The following CNGA1 variants were observed in gnomAD, a reference collection of about 807,000 sequenced individuals.
CNGA1 encodes the protein cyclic nucleotide-gated channel alpha-1.
Under a neutral mutation model 69.7 loss-of-function variants are expected in CNGA1, and 53 were observed. The ratio of observed to expected loss-of-function variants is 0.76; its 90% CI spans 0.61 to 0.96. The LOEUF (loss-of-function observed/expected upper bound fraction) is 0.96. Among genes scored for constraint, CNGA1 ranks in the 40% least tolerant of loss-of-function variants. The pLI is 0.00. For missense variants in CNGA1, 739 were observed against 811.2 expected (o/e 0.91, Z 1.08); for synonymous variants, 249 against 283.5 (o/e 0.88, Z 1.22).
At chr4:47,992,439 A>AAAC (rs199646833) in intron 2 of CNGA1, among the ~76,000 whole-genome samples, 17,131 of 151,798 alleles carry the variant, frequency 0.11, 1,532 homozygotes, top group East Asian at 0.31. Flanking sequence ...TGTAAAAAAA[A>AAAC]GTTTGAGTTC....
intron 3 of CNGA1, among the ~76,000 whole-genome samples, chr4:47,965,350 T>C (rs1740662749): frequency 6.6e-6 from 1 of 152,210 alleles, no homozygotes; most frequent in African/African-American, 2.4e-5. Context: ...CATATTTTCC[T>C]GTGAATATTA....
intron 3 of CNGA1, chr4:47,970,788 T>A: frequency 2.3e-6 from 1 of 428,546 alleles, no homozygotes; most frequent in Non-Finnish European, 4.6e-6. Context: ...TTTTTATATT[T>A]TATATACTAT....
At chr4:47,948,922 G>T (rs1560624485) in intron 6 of CNGA1, among the ~76,000 whole-genome samples, 1 of 152,092 alleles carries the variant, frequency 6.6e-6, no homozygotes, top group Non-Finnish European at 1.5e-5. Context: ...AAGCGGAGAG[G>T]GTGAAGAATT....
chr4:48,004,768 G>A (rs1044995034), intron 2 of CNGA1, among the ~76,000 whole-genome samples: 5 of 150,484 alleles, frequency 3.3e-5, no homozygotes, highest in African/African-American at 1.2e-4. Context: ...ATGTAAATAG[G>A]TTGTTGTTAT....
intron 3 of CNGA1, among the ~76,000 whole-genome samples, chr4:47,975,940 G>A (rs1321959032): frequency 4.0e-5 from 6 of 151,076 alleles, no homozygotes; most frequent in Non-Finnish European, 8.8e-5. Flanking sequence ...AAATATTGAT[G>A]AACTGAAGTA....
At chr4:48,014,688 C>T (rs974525703) in intron 1 of CNGA1, among the ~76,000 whole-genome samples, 3 of 152,156 alleles carry the variant, frequency 2.0e-5, no homozygotes, top group Admixed American at 1.3e-4. Context: ...ATCTACCTTA[C>T]AGGATTTTCA....
At chr4:47,938,197 GA>G in intron 10 of CNGA1, among the ~76,000 whole-genome samples, 1 of 149,792 alleles carries the variant, frequency 6.7e-6, no homozygotes, top group Non-Finnish European at 1.5e-5. Context: ...GAAAAAAAAA[GA>G]AAAAAAGAAA....
intron 2 of CNGA1, among the ~76,000 whole-genome samples, chr4:48,003,167 C>A (rs1172020925): frequency 6.6e-6 from 1 of 152,134 alleles, no homozygotes; most frequent in Admixed American, 6.5e-5. Context: ...AAGGTGAACA[C>A]TGGTTCTGTC....
chr4:47,988,501 A>T (rs1232612483), intron 2 of CNGA1, among the ~76,000 whole-genome samples: 1 of 152,090 alleles, frequency 6.6e-6, no homozygotes, highest in African/African-American at 2.4e-5. Context: ...TAATGAGATA[A>T]ACTCCACCTT....
At chr4:47,947,747 G>A (rs1355248320) in intron 6 of CNGA1, among the ~76,000 whole-genome samples, 1 of 152,198 alleles carries the variant, frequency 6.6e-6, no homozygotes, top group Non-Finnish European at 1.5e-5. Context: ...CTCGTGGGCA[G>A]TCACAAATGC....
chr4:47,940,794 AT>A lies in CNGA1; in HGVS notation c.620del (p.Tyr207PhefsTer2). ...TTGTTCGTACAAACATATCGATTAAATAGACTATGTCTGATACGTAATCCAA... is the reference window on the plus strand; with the variant it reads ...TTGTTCGTACAAACATATCGATTAAAAGACTATGTCTGATACGTAATCCAA... ...LILDYVSDIVYLIDMFVRTRT... is the reference protein window; with the variant it reads ...LILDYVSDIVXLIDMFVRTRT... On this transcript the variant is annotated frameshift_variant, in exon 10 of 11. Transcript: ENST00000514170. LOFTEE classifies it high-confidence loss of function. The A allele has an allele frequency of 6.2e-7, 1 of 1,610,304 alleles. No homozygotes were observed. Among genetic ancestry groups the A allele is most frequent in the Non-Finnish European group, 8.5e-7 (1 of 1,176,798 alleles).
intron 2 of CNGA1, among the ~76,000 whole-genome samples, chr4:48,007,924 T>C (rs1714992630): frequency 6.6e-6 from 1 of 152,148 alleles, no homozygotes; most frequent in Non-Finnish European, 1.5e-5. Context: ...AAGGAAACCA[T>C]TATTATTTCA....
chr4:47,995,236 A>T (rs11932474), intron 2 of CNGA1, among the ~76,000 whole-genome samples: 21 of 152,110 alleles, frequency 1.4e-4, no homozygotes, highest in African/African-American at 5.1e-4. Flanking sequence ...TAGCAAGGCC[A>T]TGGAAATTTT....
chr4:47,975,176 A>G (rs565678508), intron 3 of CNGA1, among the ~76,000 whole-genome samples: 6 of 151,842 alleles, frequency 4.0e-5, no homozygotes, highest in Non-Finnish European at 7.4e-5. Flanking sequence ...TAAAATTGTC[A>G]AAGCAACTAT....
chr4:48,014,574 T>A (rs944269514), intron 1 of CNGA1, among the ~76,000 whole-genome samples: 8 of 152,238 alleles, frequency 5.3e-5, no homozygotes, highest in Admixed American at 2.6e-4. Flanking sequence ...CCCAGCTTTC[T>A]TGGTTAGCAT....
Position 47,976,896 on chromosome 4 carries a change from CAT to C in CNGA1, c.-15+4495_-15+4496del, listed in dbSNP as rs1741447062. 2.0e-5 allele frequency among the ~76,000 whole-genome samples: 3 copies of C among 152,300 alleles called. No individual in the cohort carries two copies. The East Asian group carries it at 5.8e-4, about 29-fold the overall frequency. On this transcript the variant is annotated intron_variant, in intron 3 of 10. Coordinates refer to ENST00000514170, the MANE Select transcript of CNGA1 (RefSeq NM_001379270.1). ...AGAAACCTGTAAGTGATAAAAATCTCATATGACAATATCACGTGTGCATAGGC... is the reference window on the plus strand; with the variant it reads ...AGAAACCTGTAAGTGATAAAAATCTCATGACAATATCACGTGTGCATAGGC...
At chr4:47,969,139 T>C (rs1740881270) in intron 3 of CNGA1, among the ~76,000 whole-genome samples, 1 of 152,142 alleles carries the variant, frequency 6.6e-6, no homozygotes, top group African/African-American at 2.4e-5. Flanking sequence ...GAGTTTCAAC[T>C]TGGCTCTTAA....
Position 47,937,154 on chromosome 4 carries a change from G to GC in CNGA1, c.1327_1328insG (p.Thr443SerfsTer3). The GC allele has an allele frequency of 6.2e-7, 1 of 1,614,090 alleles. No individual in the cohort carries two copies. Among genetic ancestry groups the GC allele is most frequent in the East Asian group, 2.2e-5 (1 of 44,884 alleles). ...CTTTAAGACTTCTTTCTCATCAACT[G>GC]TTTTTTTGTTGGTCCACAGGTAGTC... On this transcript the variant is annotated frameshift_variant, in exon 11 of 11. Coordinates refer to ENST00000514170, the MANE Select transcript of CNGA1 (RefSeq NM_001379270.1). LOFTEE classifies it high-confidence loss of function.
Position 47,937,692 on chromosome 4 carries a change from G to T in CNGA1, c.790C>A (p.Pro264Thr), listed in dbSNP as rs754039741. The T allele has an allele frequency of 6.2e-7, 1 of 1,614,080 alleles. No homozygotes were observed. The highest frequency in any genetic ancestry group is 1.3e-5 in the African/African-American group (1 of 75,042). The change falls in exon 11 of 11, where the codon CCA becomes ACA. Residue 264 changes from proline (P) to threonine (T), a missense_variant. By Grantham distance (38) the Pro-to-Thr change is conservative. Transcript: ENST00000514170. ...LLYFKLGWNYPEIRLNRLLRF... is the reference protein window; with the variant it reads ...LLYFKLGWNYTEIRLNRLLRF... ...AACAACCTGTTTAATCTAATTTCTGGATAGTTCCACCCTAACTTAAAATAC... is the reference window on the plus strand; with the variant it reads ...AACAACCTGTTTAATCTAATTTCTGTATAGTTCCACCCTAACTTAAAATAC...
Sources: allele counts gnomAD v4.1 joint callset (sites outside exome capture counted in the v4.1 genomes callset), GRCh38; gene constraint gnomAD v4.1.1; transcripts MANE v1.5; gene names NCBI Gene and HGNC (gene_info 2026-07-23, HGNC 2026-07-21).